Variants in VPS13C observed in about 807,000 individuals in gnomAD.
The protein encoded by VPS13C is intermembrane lipid transfer protein VPS13C.
In VPS13C, 358 loss-of-function variants were observed where a neutral mutation model predicts 456.8. The observed-to-expected ratio is 0.78, with a 90% CI of 0.72 to 0.86. VPS13C has a LOEUF of 0.86. VPS13C is among the 40% of genes least tolerant of loss of function. The pLI, the probability that VPS13C is intolerant of heterozygous loss-of-function variation, is 0.00. For synonymous variants in VPS13C, 1,578 were observed against 1,486.7 expected (o/e 1.06, Z -1.41); for missense variants, 4,818 against 4,385.4 (o/e 1.10, Z -2.79).
chr15:61,910,487 G>A (rs1320110138), intron 63 of VPS13C, among the ~76,000 whole-genome samples, 182 bp from the exon 64 acceptor site: 1 of 151,938 alleles, frequency 6.6e-6, no homozygotes, highest in Non-Finnish European at 1.5e-5. Flanking sequence ...TGAAACCAAA[G>A]AAATCACATC....
At chr15:61,907,185 A>T in intron 66 of VPS13C, 79 bp downstream of exon 66, 1 of 1,598,974 alleles carries the variant, frequency 6.3e-7, no homozygotes, top group Non-Finnish European at 8.6e-7. Flanking sequence ...CAATTAGGAC[A>T]AGGAGTCAGT....
At position 61,909,023 on chromosome 15, in the gene VPS13C, T is replaced by C. The variant is rs1169958624; in HGVS notation, c.8947A>G (p.Thr2983Ala). ...GSAPALIMNH[T>A]PWDILTYKQS... ...TTGTATGTGAGGATGTCCCATGGTG[T>C]ATGGTTCATTATCAAGGCAGGTGCA... Residue 2983 changes from threonine (T) to alanine (A), a missense_variant, in exon 65 of 85, where the codon ACA becomes GCA. Coordinates refer to ENST00000644861, the MANE Select transcript of VPS13C (RefSeq NM_020821.3). 1 of 1,614,028 alleles carries C rather than the reference T, an allele frequency of 6.2e-7. No homozygotes were observed. Among genetic ancestry groups the C allele is most frequent in the South Asian group, 1.1e-5 (1 of 91,066 alleles).
Position 61,941,880 on chromosome 15 carries a change from G to C in VPS13C, c.5336C>G (p.Ala1779Gly). 6.2e-7 allele frequency: 1 copy of C among 1,614,012 alleles called. No individual in the cohort carries two copies. The change falls in exon 46 of 85, where the codon GCA becomes GGA. Residue 1779 changes from alanine to glycine, a missense_variant. Around this residue, in one of 3 missense-constraint regions of VPS13C, gnomAD observed 4,552 missense variants for 4,130.6 expected, o/e 1.10. Coordinates refer to ENST00000644861, the MANE Select transcript of VPS13C (RefSeq NM_020821.3). ...QSSVSPNAVI[A>G]DLGLIRVENK... ...TTCAACTCTGATTAAACCCAGATCT[G>C]CTATAACAGCATTAGGTGATACTGA...
intron 18 of VPS13C, among the ~76,000 whole-genome samples, chr15:61,989,171 G>A (rs983441341): frequency 1.8e-4 from 27 of 151,408 alleles, no homozygotes; most frequent in Non-Finnish European, 3.2e-4. Flanking sequence ...CAAGCAGGTC[G>A]CTTGAGCTCA....
chr15:62,048,801 T>G (rs2048518104), intron 1 of VPS13C, among the ~76,000 whole-genome samples: 1 of 152,196 alleles, frequency 6.6e-6, no homozygotes, highest in Non-Finnish European at 1.5e-5. Flanking sequence ...CCATTCTAAC[T>G]GGTGTGAGAT....
chr15:61,927,034 G>C (rs1369971900), intron 52 of VPS13C, 57 bp downstream of exon 52: 7 of 1,460,036 alleles, frequency 4.8e-6, no homozygotes, highest in Admixed American at 1.8e-5. Flanking sequence ...AGGATTCTAT[G>C]AATCAACTGT....
intron 73 of VPS13C, among the ~76,000 whole-genome samples, chr15:61,878,980 T>G (rs77822860): frequency 6.6e-6 from 1 of 152,100 alleles, no homozygotes; most frequent in East Asian, 1.9e-4. Context: ...TTTTATGCAA[T>G]GTATATAAAT....
At chr15:61,920,032 C>A (rs2043598095) in intron 57 of VPS13C, 35 bp downstream of exon 57, 7 of 1,486,848 alleles carry the variant, frequency 4.7e-6, no homozygotes, top group Non-Finnish European at 6.3e-6. Context: ...CCAACAACTG[C>A]TAAGATACCC....
chr15:61,942,210 T>C (rs2044451698), intron 45 of VPS13C, 143 bp from the exon 46 acceptor site: 3 of 646,360 alleles, frequency 4.6e-6, no homozygotes. Context: ...GAGAGTGAAG[T>C]CTAGAAACAT....
At position 61,867,688 on chromosome 15, in the gene VPS13C, C is replaced by G; in HGVS notation, c.10863+971G>C. The G allele has an allele frequency of 1.5e-6, 2 of 1,316,258 alleles. No homozygotes were observed. Among genetic ancestry groups the G allele is most frequent in the Non-Finnish European group, 1.9e-6 (2 of 1,032,400 alleles). 81.5% of individuals were successfully genotyped at this position (1,316,258 alleles called of 1,614,324 possible). Reference sequence around the variant, plus strand: ...TTCATCTATTAAACGCAGAAGAGAGCTGATTCTCTGCATCCTTTAATATTT... The same window carrying G: ...TTCATCTATTAAACGCAGAAGAGAGGTGATTCTCTGCATCCTTTAATATTT... On this transcript the variant is annotated intron_variant, in intron 81 of 84. Transcript: ENST00000644861. This position sits in a 1 kb window ranked among gnomAD's most constrained non-coding sequence, Gnocchi z 5.0.
At position 62,000,604 on chromosome 15, in the gene VPS13C, A is replaced by C; in HGVS notation, c.1313T>G (p.Val438Gly). The C allele has an allele frequency of 6.2e-7, 1 of 1,607,446 alleles. No individual in the cohort carries two copies. Among genetic ancestry groups the C allele is most frequent in the Non-Finnish European group, 8.5e-7 (1 of 1,177,992 alleles). ...EIQDLEKTLD[V>G]FNIILARQQA... ...TTGCCTTGCTAAAATTATGTTAAAA[A>C]CATCTAGAGTCTTCTCCAAGTCCTG... Residue 438 changes from valine to glycine, a missense_variant, in exon 16 of 85, where the codon GTT becomes GGT. Val to Gly is a moderately radical substitution (Grantham distance 109). Transcript: ENST00000644861.
chr15:62,036,564 T>C (rs1194768879), intron 3 of VPS13C, among the ~76,000 whole-genome samples: 1 of 152,086 alleles, frequency 6.6e-6, no homozygotes, highest in Non-Finnish European at 1.5e-5. Context: ...CATTTCTAAG[T>C]CCAGTGATTT....
intron 15 of VPS13C, among the ~76,000 whole-genome samples, chr15:62,005,267 A>G (rs549835548): frequency 9.3e-4 from 142 of 152,346 alleles, no homozygotes; most frequent in African/African-American, 3.2e-3. Context: ...TCCCTTTACC[A>G]TTAAGTAATG....
chr15:61,990,918 TA>T, intron 18 of VPS13C, 81 bp downstream of exon 18: 5 of 922,064 alleles, frequency 5.4e-6, no homozygotes, highest in African/African-American at 1.7e-5. Context: ...TTATATTACT[TA>T]AAAAAATCAG....
At chr15:61,994,897 T>C (rs1375051118) in intron 16 of VPS13C, among the ~76,000 whole-genome samples, 1 of 152,190 alleles carries the variant, frequency 6.6e-6, no homozygotes, top group Non-Finnish European at 1.5e-5. Flanking sequence ...TCTATTCAGC[T>C]ATCTTAAATG....
At position 61,941,918 on chromosome 15, in the gene VPS13C, A is replaced by G; in HGVS notation, c.5298T>C (p.Ile1766=). 6.2e-7 allele frequency: 1 copy of G among 1,614,044 alleles called. No homozygotes were observed. The highest frequency in any genetic ancestry group is 2.2e-5 in the East Asian group (1 of 44,852). The change falls in exon 46 of 85, where the codon ATT becomes ATC. Residue 1766 remains isoleucine (I), a synonymous_variant. Coordinates refer to ENST00000644861, the MANE Select transcript of VPS13C (RefSeq NM_020821.3). ...MDINLKAPVI[I]IPQSSVSPNA... ...TAGGTGATACTGAAGACTGAGGAAT[A>G]ATAATAACTGGTGCTTTCAAATTAA...
chr15:62,050,406 A>G (rs912126187), intron 1 of VPS13C, among the ~76,000 whole-genome samples: 2 of 152,226 alleles, frequency 1.3e-5, no homozygotes, highest in African/African-American at 4.8e-5. Context: ...ACCCCATATG[A>G]TTCTCATTAA....
chr15:61,907,950 A>ATG (rs2043196996), intron 65 of VPS13C, among the ~76,000 whole-genome samples: 1 of 152,140 alleles, frequency 6.6e-6, no homozygotes, highest in Non-Finnish European at 1.5e-5. Context: ...TACTTAAGAT[A>ATG]TATTATGGGT....
chr15:61,900,983 A>G (rs1390272773), intron 66 of VPS13C, among the ~76,000 whole-genome samples: 3 of 152,182 alleles, frequency 2.0e-5, no homozygotes, highest in Non-Finnish European at 4.4e-5. Flanking sequence ...GATCTTTGAC[A>G]AACCTGACAA....
Sources: allele counts gnomAD v4.1 joint callset (sites outside exome capture counted in the v4.1 genomes callset), GRCh38; gene constraint gnomAD v4.1.1; regional missense constraint gnomAD v4.1.1; non-coding constraint Gnocchi (gnomAD v3.1); transcripts MANE v1.5; gene names NCBI Gene and HGNC (gene_info 2026-07-23, HGNC 2026-07-21).